PSD3: variants seen among roughly 807,000 people sequenced by gnomAD.
PSD3 encodes pleckstrin and Sec7 domain containing 3, also known as PH and SEC7 domain-containing protein 3.
Under a neutral mutation model 105.5 loss-of-function variants are expected in PSD3, and 49 were observed. That is an observed-to-expected ratio of 0.46 (90% confidence interval 0.37 to 0.59). The LOEUF (loss-of-function observed/expected upper bound fraction) is 0.59, where lower values mean the gene tolerates loss of function less well. PSD3 is among the 20% of genes least tolerant of loss of function. PSD3 has a pLI of 0.00. For synonymous variants in PSD3, 557 were observed against 457.8 expected, an observed-to-expected ratio of 1.22 and a Z score of -2.77; for missense variants, 1,561 against 1,263.8, an observed-to-expected ratio of 1.24 and a Z score of -3.57.
At chr8:18,683,704 G>A (rs1800505745) in intron 9 of PSD3, 2 of 733,188 alleles carry the variant, frequency 2.7e-6, no homozygotes, top group Non-Finnish European at 5.0e-6. Flanking sequence ...ATTAGACACT[G>A]CCAAAGACTA....
At chr8:18,635,254 C>A (rs181921988) in intron 10 of PSD3, among the ~76,000 whole-genome samples, 1 of 152,238 alleles carries the variant, frequency 6.6e-6, no homozygotes, top group Admixed American at 6.5e-5. Flanking sequence ...GCCCTGAAAT[C>A]AACCACTTCT....
intron 12 of PSD3, among the ~76,000 whole-genome samples, chr8:18,583,296 A>T (rs1802942553): frequency 6.6e-6 from 1 of 152,146 alleles, no homozygotes; most frequent in African/African-American, 2.4e-5. Flanking sequence ...AAAATTAGTC[A>T]GGTGTGGTGG....
intron 1 of PSD3, among the ~76,000 whole-genome samples, chr8:18,995,037 C>T (rs1826000789): frequency 6.6e-6 from 1 of 152,034 alleles, no homozygotes; most frequent in Non-Finnish European, 1.5e-5. Flanking sequence ...CTATTTTCCA[C>T]AAGCTGACAA....
intron 9 of PSD3, among the ~76,000 whole-genome samples, chr8:18,760,075 G>C (rs1464955067): frequency 6.6e-6 from 1 of 151,534 alleles, no homozygotes; most frequent in African/African-American, 2.4e-5. Context: ...AGAGGATCAA[G>C]ACACTGCATT....
intron 12 of PSD3, among the ~76,000 whole-genome samples, chr8:18,596,621 A>G (rs1223150605): frequency 2.0e-5 from 3 of 152,030 alleles, no homozygotes; most frequent in Non-Finnish European, 2.9e-5. Context: ...CAAATAAATA[A>G]AATCAGAAAT....
chr8:18,910,300 T>C (rs372395994), intron 2 of PSD3, among the ~76,000 whole-genome samples: 29 of 142,790 alleles, frequency 2.0e-4, no homozygotes, highest in African/African-American at 6.9e-4. Flanking sequence ...TGGAATACTA[T>C]GCAGCCATAA....
At chr8:18,673,897 T>C (rs1799927450) in intron 9 of PSD3, among the ~76,000 whole-genome samples, 1 of 151,888 alleles carries the variant, frequency 6.6e-6, no homozygotes, top group Non-Finnish European at 1.5e-5. Flanking sequence ...ATCCCAACGA[T>C]TTGGGAGGCC....
intron 9 of PSD3, among the ~76,000 whole-genome samples, chr8:18,665,170 CG>C (rs1799378289): frequency 6.6e-6 from 1 of 152,168 alleles, no homozygotes; most frequent in South Asian, 2.1e-4. Flanking sequence ...CCATAGATAG[CG>C]ATTCCTCTGA....
At chr8:19,020,242 T>C (rs905037382) in intron 1 of PSD3, among the ~76,000 whole-genome samples, 19 of 152,062 alleles carry the variant, frequency 1.2e-4, no homozygotes, top group African/African-American at 4.1e-4. Context: ...GCTGAGTGTC[T>C]TGGAGAAAAA....
At chr8:18,987,965 C>T (rs1825592888) in intron 1 of PSD3, among the ~76,000 whole-genome samples, 1 of 152,108 alleles carries the variant, frequency 6.6e-6, no homozygotes, top group South Asian at 2.1e-4. Flanking sequence ...TAGTACCTAC[C>T]ATAAGCCAAG....
At chr8:18,786,892 T>A (rs1234009173) in intron 8 of PSD3, 1 of 152,250 alleles carries the variant, frequency 6.6e-6, no homozygotes, top group Non-Finnish European at 1.5e-5. Flanking sequence ...TCCATTTTGC[T>A]GCTTACTGGC....
chr8:18,915,320 C>A (rs1377262001), intron 2 of PSD3, among the ~76,000 whole-genome samples: 1 of 152,004 alleles, frequency 6.6e-6, no homozygotes, highest in African/African-American at 2.4e-5. Flanking sequence ...AAAACACAGG[C>A]AATGAAAGGC....
At chr8:18,902,264 G>A (rs191524814) in intron 2 of PSD3, among the ~76,000 whole-genome samples, 331 of 152,274 alleles carry the variant, frequency 2.2e-3, no homozygotes, top group Non-Finnish European at 3.2e-3. Context: ...GCTTGATCAA[G>A]TCTTCTATTG....
At chr8:18,677,358 A>C (rs1451550034) in intron 9 of PSD3, among the ~76,000 whole-genome samples, 1 of 152,182 alleles carries the variant, frequency 6.6e-6, no homozygotes, top group African/African-American at 2.4e-5. Flanking sequence ...AGTTCAGATC[A>C]CACGAGGCCA....
chr8:18,695,108 G>C (rs1183525590), intron 9 of PSD3, among the ~76,000 whole-genome samples: 1 of 152,260 alleles, frequency 6.6e-6, no homozygotes, highest in Admixed American at 6.5e-5. Context: ...TAGCCTTCTA[G>C]ACTTTTAGAC....
At chr8:18,744,531 A>T (rs1362449253) in intron 9 of PSD3, among the ~76,000 whole-genome samples, 2 of 152,222 alleles carry the variant, frequency 1.3e-5, no homozygotes, top group East Asian at 3.8e-4. Context: ...ATTGTATACA[A>T]TGCTGCTTTT....
At chr8:18,567,939 C>T (rs1309985399) in intron 14 of PSD3, among the ~76,000 whole-genome samples, 1 of 152,142 alleles carries the variant, frequency 6.6e-6, no homozygotes, top group Non-Finnish European at 1.5e-5. Flanking sequence ...TGGCTTGATG[C>T]CACGCTTATG....
At chr8:19,011,396 C>T (rs1826942972) in intron 1 of PSD3, among the ~76,000 whole-genome samples, 1 of 152,166 alleles carries the variant, frequency 6.6e-6, no homozygotes, top group African/African-American at 2.4e-5. Flanking sequence ...CAATGTAATG[C>T]CACGCTAAAT....
chr8:18,664,948 G>C (rs1161020002), intron 9 of PSD3, among the ~76,000 whole-genome samples: 1 of 152,172 alleles, frequency 6.6e-6, no homozygotes, highest in Non-Finnish European at 1.5e-5. Context: ...CCATTGTCGA[G>C]ACCTATTGCT....
Sources: allele counts gnomAD v4.1 joint callset (sites outside exome capture counted in the v4.1 genomes callset), GRCh38; gene constraint gnomAD v4.1.1; transcripts MANE v1.5; gene names NCBI Gene and HGNC (gene_info 2026-07-23, HGNC 2026-07-21).